Variants in NFIL3 observed in about 807,000 individuals in gnomAD.
NFIL3 encodes nuclear factor, interleukin 3 regulated.
Under a neutral mutation model 10.0 loss-of-function variants are expected in NFIL3, and 5 were observed. That is an observed-to-expected ratio of 0.50 (90% CI 0.26 to 1.06). The LOEUF is 1.06. Ranked by LOEUF, NFIL3 falls within the 50% of genes least tolerant of loss-of-function variation. The pLI, the probability that NFIL3 is intolerant of heterozygous loss-of-function variation, is 0.13. For synonymous variants in NFIL3, 202 were observed against 206.5 expected (o/e 0.98, Z 0.19); for missense variants, 436 against 547.6 (o/e 0.80, Z 2.03).
the NFIL3 span, among the ~76,000 whole-genome samples, chr9:91,434,895 G>T: frequency 2.4e-4 from 36 of 152,272 alleles, no homozygotes; most frequent in African/African-American, 8.2e-4. Context: ...TGGGCCATAG[G>T]CCTGTAGTTT....
At chr9:91,421,970 G>C (rs1422129673) in intron 1 of NFIL3, among the ~76,000 whole-genome samples, 1 of 152,036 alleles carries the variant, frequency 6.6e-6, no homozygotes, top group Non-Finnish European at 1.5e-5. Context: ...GTAAAACCAG[G>C]GTATCCAGAC....
the NFIL3 span, among the ~76,000 whole-genome samples, chr9:91,481,163 C>T: frequency 9.8e-5 from 15 of 152,310 alleles, no homozygotes; most frequent in East Asian, 2.7e-3. Context: ...CAATTCTACT[C>T]CCAAGGGATA....
At chr9:91,480,743 A>G in the NFIL3 span, among the ~76,000 whole-genome samples, 1 of 152,250 alleles carries the variant, frequency 6.6e-6, no homozygotes, top group East Asian at 1.9e-4. Context: ...ATTAAGTCAA[A>G]ATGCAGGCAA....
At chr9:91,452,457 T>C in the NFIL3 span, among the ~76,000 whole-genome samples, 1 of 151,966 alleles carries the variant, frequency 6.6e-6, no homozygotes, top group Non-Finnish European at 1.5e-5. Context: ...TATTGAATGA[T>C]GTATTATGTC....
the NFIL3 span, among the ~76,000 whole-genome samples, chr9:91,467,574 A>G: frequency 6.6e-6 from 1 of 152,082 alleles, no homozygotes; most frequent in Non-Finnish European, 1.5e-5. Flanking sequence ...TCTAGGGTAC[A>G]TGTACATAAC....
chr9:91,426,728 C>T (rs1833877312), upstream of NFIL3: 1 of 152,162 alleles, frequency 6.6e-6, no homozygotes, highest in Non-Finnish European at 1.5e-5. Context: ...AGCTTGAGAA[C>T]AGAATGACTA....
chr9:91,458,749 A>C, the NFIL3 span, among the ~76,000 whole-genome samples: 100 of 152,282 alleles, frequency 6.6e-4, no homozygotes, highest in African/African-American at 2.3e-3. Flanking sequence ...GTCATTAGAA[A>C]GTATTTGCTT....
At chr9:91,448,367 T>C in the NFIL3 span, among the ~76,000 whole-genome samples, 9 of 151,910 alleles carry the variant, frequency 5.9e-5, no homozygotes, top group African/African-American at 2.2e-4. Context: ...AGAAGCGGAG[T>C]ACGTGCAAAA....
the NFIL3 span, among the ~76,000 whole-genome samples, chr9:91,483,138 T>G: frequency 2.0e-5 from 3 of 152,114 alleles, no homozygotes; most frequent in African/African-American, 7.2e-5. Flanking sequence ...AAAGGCCATA[T>G]AAGTCACCTT....
upstream of NFIL3, among the ~76,000 whole-genome samples, chr9:91,428,364 A>G (rs1044264015): frequency 6.6e-6 from 1 of 151,710 alleles, no homozygotes; most frequent in Non-Finnish European, 1.5e-5. Context: ...CTTGCCACCT[A>G]CCTATCCCAG....
intron 1 of NFIL3, among the ~76,000 whole-genome samples, chr9:91,417,279 A>G (rs1052597257): frequency 2.6e-5 from 4 of 152,198 alleles, no homozygotes; most frequent in African/African-American, 9.6e-5. Context: ...TAATACAGAT[A>G]ACAGTAAAGG....
the NFIL3 span, among the ~76,000 whole-genome samples, chr9:91,455,797 A>G: frequency 1.3e-5 from 2 of 152,188 alleles, no homozygotes; most frequent in Non-Finnish European, 2.9e-5. Flanking sequence ...TTGGAACGCT[A>G]TGCACGTGGG....
chr9:91,467,147 T>G, the NFIL3 span, among the ~76,000 whole-genome samples: 15,887 of 151,966 alleles, frequency 0.1, 1,215 homozygotes, highest in East Asian at 0.26. Flanking sequence ...ACTAAATATC[T>G]CTCTCTGTCT....
chr9:91,425,949 C>G (rs918673777), upstream of NFIL3, among the ~76,000 whole-genome samples: 4 of 152,106 alleles, frequency 2.6e-5, no homozygotes, highest in African/African-American at 9.7e-5. Context: ...CATAATCTAC[C>G]CTCCCCTTCA....
chr9:91,417,959 G>A (rs2482358), intron 1 of NFIL3, among the ~76,000 whole-genome samples: 10,563 of 152,166 alleles, frequency 0.069, 459 homozygotes, highest in Admixed American at 0.097. Flanking sequence ...TTCGACAAAG[G>A]ACTAGCTGAA....
the NFIL3 span, among the ~76,000 whole-genome samples, chr9:91,483,347 C>A: frequency 6.6e-6 from 1 of 152,162 alleles, no homozygotes; most frequent in Admixed American, 6.5e-5. Context: ...TAGTACTCAC[C>A]CTGCTCAAAA....
the NFIL3 span, among the ~76,000 whole-genome samples, chr9:91,453,646 C>T: frequency 6.6e-6 from 1 of 152,070 alleles, no homozygotes; most frequent in South Asian, 2.1e-4. Flanking sequence ...ACATTTCCAA[C>T]ATTACACTAA....
At chr9:91,430,045 C>T in the NFIL3 span, among the ~76,000 whole-genome samples, 2 of 152,112 alleles carry the variant, frequency 1.3e-5, no homozygotes, top group South Asian at 4.1e-4. Context: ...TAGGAAAGTG[C>T]CTGATATATT....
At chr9:91,412,404 ATGGGGGC>A (rs1235307538) in intron 1 of NFIL3, among the ~76,000 whole-genome samples, 2 of 152,162 alleles carry the variant, frequency 1.3e-5, no homozygotes, top group Non-Finnish European at 2.9e-5. Flanking sequence ...CAATCATTGC[ATGGGGGC>A]TTTTGAATTT....
Sources: gnomAD v4.1 joint callset for allele counts (sites outside exome capture counted in the v4.1 genomes callset) on GRCh38, gnomAD v4.1.1 for gene constraint, MANE v1.5 for transcripts, NCBI Gene and HGNC (gene_info 2026-07-23, HGNC 2026-07-21) for gene names.